Variants in WASHC4 observed in about 807,000 individuals in gnomAD.
WASHC4 encodes WASH complex subunit 7.
A neutral mutation model predicts 166.6 loss-of-function variants in WASHC4; 86 were observed. The observed-to-expected ratio is 0.52, with a 90% CI of 0.43 to 0.62. The LOEUF is 0.62. Among genes scored for constraint, WASHC4 ranks in the 20% least tolerant of loss-of-function variants. WASHC4 has a pLI of 0.00. For synonymous variants in WASHC4, 446 were observed against 451.6 expected (o/e 0.99, Z 0.16); for missense variants, 1,262 against 1,382.4 (o/e 0.91, Z 1.38).
chr12:105,119,173 A>G (rs1240705351), intron 7 of WASHC4, among the ~76,000 whole-genome samples: 1 of 152,152 alleles, frequency 6.6e-6, no homozygotes, highest in Non-Finnish European at 1.5e-5. Flanking sequence ...TTGGAGAAGA[A>G]GCCTCATGGA....
At chr12:105,153,045 G>T (rs1883890708) in intron 26 of WASHC4, among the ~76,000 whole-genome samples, 1 of 152,096 alleles carries the variant, frequency 6.6e-6, no homozygotes, top group South Asian at 2.1e-4. Context: ...TGTGAGATAG[G>T]CATGTAATCG....
chr12:105,165,335 C>G (rs1044149963), intron 32 of WASHC4, among the ~76,000 whole-genome samples: 1 of 152,146 alleles, frequency 6.6e-6, no homozygotes, highest in Non-Finnish European at 1.5e-5. Flanking sequence ...CTTTTTAAGG[C>G]GTAAGAGCAT....
chr12:105,127,765 C>T (rs1350202300), intron 13 of WASHC4, among the ~76,000 whole-genome samples: 1 of 152,086 alleles, frequency 6.6e-6, no homozygotes, highest in Non-Finnish European at 1.5e-5. Context: ...ATAATTCTTC[C>T]CAGTTCCTTC....
Position 105,126,080 on chromosome 12 carries a change from T to A in WASHC4, c.863T>A (p.Phe288Tyr). ...AAAAATAGTACTTTTGCTGAGGAAT[T>A]TGCACATAGTATTCGGTCAATTTTT... ...VSKNSTFAEE[F>Y]AHSIRSIFAN... The change falls in exon 11 of 33, where the codon TTT becomes TAT. Residue 288 changes from phenylalanine (F) to tyrosine (Y), a missense_variant. By Grantham distance (22) the Phe-to-Tyr change is conservative. Transcript: ENST00000332180. 1 of 1,613,056 alleles carries A rather than the reference T, an allele frequency of 6.2e-7. No individual in the cohort carries two copies. Among genetic ancestry groups the A allele is most frequent in the South Asian group, 1.1e-5 (1 of 91,038 alleles).
At chr12:105,142,856 T>C (rs1012502041) in intron 19 of WASHC4, among the ~76,000 whole-genome samples, 8 of 152,070 alleles carry the variant, frequency 5.3e-5, no homozygotes, top group Admixed American at 4.6e-4. Flanking sequence ...GAAAAAATAT[T>C]TTTAAGAAAT....
Position 105,137,909 on chromosome 12 carries a change from T to G in WASHC4, c.1350T>G (p.Ile450Met), listed in dbSNP as rs1592883269. Residue 450 changes from isoleucine (I) to methionine (M), a missense_variant, in exon 15 of 33, where the codon ATT becomes ATG. Transcript: ENST00000332180. The part of the protein sequence containing the change: ...FIQGFLYAYS[I>M]STIIKTTMNL... ...AGGGCTTCTTGTATGCATATAGTAT[T>G]AGTACCATTATTAAAACCACAATGA... 2.5e-6 allele frequency: 4 copies of G among 1,608,502 alleles called. No homozygotes were observed. In the African/African-American group the frequency reaches 5.3e-5, roughly 22 times the overall value.
At chr12:105,154,033 CT>C (rs34546795) in intron 26 of WASHC4, among the ~76,000 whole-genome samples, 18,636 of 139,266 alleles carry the variant, frequency 0.13, 911 homozygotes, top group African/African-American at 0.21. Context: ...AATATAAATT[CT>C]TTTTTTTTTT....
chr12:105,152,590 C>T, intron 26 of WASHC4, 139 bp downstream of exon 26: 1 of 662,404 alleles, frequency 1.5e-6, no homozygotes, highest in Non-Finnish European at 2.8e-6. Context: ...TTTTTTACCC[C>T]CAAAATTTGT....
At position 105,143,366 on chromosome 12, in the gene WASHC4, AAG is replaced by A. The variant is rs1350345981; in HGVS notation, c.2010+125_2010+126del. The A allele has an allele frequency of 1.6e-5, 10 of 644,216 alleles. No individual in the cohort carries two copies. In the East Asian group the frequency reaches 1.7e-4, roughly 11 times the overall value. The allele number at this position is 644,216 out of a possible 1,614,324, so 39.9% of individuals were successfully genotyped here. The stretch of plus-strand genomic sequence containing the variant: ...TATTTATAAATTGCTGGGTAGAACA[AAG>A]AACTATTTTTAGTTACAATATCACT... On this transcript the variant is annotated intron_variant, in intron 20 of 32. Coordinates refer to ENST00000332180, the MANE Select transcript of WASHC4 (RefSeq NM_015275.3).
intron 10 of WASHC4, among the ~76,000 whole-genome samples, chr12:105,122,643 G>A (rs1399309844): frequency 6.6e-6 from 1 of 151,812 alleles, no homozygotes; most frequent in East Asian, 1.9e-4. Context: ...AACAGCATGT[G>A]TTCACTTTGT....
chr12:105,152,019 C>G (rs1317934684), intron 25 of WASHC4, among the ~76,000 whole-genome samples: 1 of 152,118 alleles, frequency 6.6e-6, no homozygotes, highest in Non-Finnish European at 1.5e-5. Context: ...CCCACAGAAA[C>G]TTGGTCACAC....
intron 6 of WASHC4, among the ~76,000 whole-genome samples, chr12:105,117,165 AT>A (rs1880265234): frequency 6.6e-6 from 1 of 152,076 alleles, no homozygotes; most frequent in Admixed American, 6.6e-5. Flanking sequence ...ATGTATATGT[AT>A]TTTACATGCA....
chr12:105,126,112 G>T lies in WASHC4; in HGVS notation c.895G>T (p.Val299Leu). Residue 299 changes from valine (V) to leucine (L), a missense_variant, in exon 11 of 33, where the codon GTA becomes TTA. Val to Leu is a conservative substitution (Grantham distance 32). Coordinates refer to ENST00000332180, the MANE Select transcript of WASHC4 (RefSeq NM_015275.3). Reference protein sequence around the residue: ...AHSIRSIFANVEAKLGEPSEI... With the variant: ...AHSIRSIFANLEAKLGEPSEI... ...TAGTATTCGGTCAATTTTTGCAAATGTAGAAGCCAAACTTGGTAATGTAAA... is the reference window on the plus strand; with the variant it reads ...TAGTATTCGGTCAATTTTTGCAAATTTAGAAGCCAAACTTGGTAATGTAAA... 6.2e-7 allele frequency: 1 copy of T among 1,612,988 alleles called. No homozygotes were observed. The highest frequency in any genetic ancestry group is 1.1e-5 in the South Asian group (1 of 91,044).
At chr12:105,164,782 T>G in intron 32 of WASHC4, 42 bp downstream of exon 32, 5 of 1,347,116 alleles carry the variant, frequency 3.7e-6, no homozygotes, top group Non-Finnish European at 5.3e-6. Flanking sequence ...ATAAATGTCT[T>G]TAGTAATAGA....
chr12:105,166,854 A>G lies in WASHC4; in HGVS notation c.3455-10A>G. On this transcript the variant is annotated splice_polypyrimidine_tract_variant and intron_variant, in intron 32 of 32. Coordinates refer to ENST00000332180, the MANE Select transcript of WASHC4 (RefSeq NM_015275.3). ...TAAATATCCATTATTATTTTCACTC[A>G]TGCTTTCAGAAGAAACTAAAACAAG... is the stretch of plus-strand genomic sequence containing the variant. 1 of 1,575,412 alleles carries G rather than the reference A, an allele frequency of 6.3e-7. No homozygotes were observed. Among genetic ancestry groups the G allele is most frequent in the Non-Finnish European group, 8.7e-7 (1 of 1,150,026 alleles).
At chr12:105,120,761 G>C (rs918794044) in intron 8 of WASHC4, among the ~76,000 whole-genome samples, 164 bp downstream of exon 8, 1 of 152,042 alleles carries the variant, frequency 6.6e-6, no homozygotes, top group African/African-American at 2.4e-5. Context: ...CATCTGTGAA[G>C]TTGATGAGTC....
rs1205900112 is a variant in WASHC4, at chr12:105,113,341, G to GT, written c.202-867dup. On this transcript the variant is annotated intron_variant, in intron 2 of 32. Coordinates refer to ENST00000332180, the MANE Select transcript of WASHC4 (RefSeq NM_015275.3). ...TCTTCTAGATAGGATTATAAAATCT[G>GT]TTTTTTTTCTCAACTCTCAGATTTT... Among the ~76,000 whole-genome samples the GT allele has an allele frequency of 5.3e-5, 8 of 151,430 alleles. No individual in the cohort carries two copies. The East Asian group carries it at 5.8e-4, about 11-fold the overall frequency.
At chr12:105,138,491 CTACT>C (rs1882515464) in intron 15 of WASHC4, among the ~76,000 whole-genome samples, 1 of 151,998 alleles carries the variant, frequency 6.6e-6, no homozygotes, top group Non-Finnish European at 1.5e-5. Flanking sequence ...GAACAGTGGA[CTACT>C]TACAGAGGTG....
intron 5 of WASHC4, among the ~76,000 whole-genome samples, 194 bp from the exon 6 acceptor site, chr12:105,115,467 A>C (rs1395491411): frequency 1.3e-5 from 2 of 152,016 alleles, no homozygotes; most frequent in Non-Finnish European, 2.9e-5. Context: ...AATTCATTAA[A>C]TAGTGAAGCA....
Sources: allele counts gnomAD v4.1 joint callset (sites outside exome capture counted in the v4.1 genomes callset), GRCh38; gene constraint gnomAD v4.1.1; transcripts MANE v1.5; gene names NCBI Gene and HGNC (gene_info 2026-07-23, HGNC 2026-07-21).